The following FUT8 variants were observed in gnomAD, a reference collection of about 807,000 sequenced individuals.
FUT8 encodes the protein alpha-(1,6)-fucosyltransferase.
A neutral mutation model predicts 71.3 loss-of-function variants in FUT8; 29 were observed. That is an observed-to-expected ratio of 0.41 (90% CI 0.30 to 0.55). FUT8 has a LOEUF of 0.55. Among genes scored for constraint, FUT8 ranks in the 20% least tolerant of loss-of-function variants. The pLI, the probability that FUT8 is intolerant of heterozygous loss-of-function variation, is 0.34. For synonymous variants in FUT8, 254 were observed against 239.3 expected, an observed-to-expected ratio of 1.06 and a Z score of -0.57; for missense variants, 544 against 702.1, an observed-to-expected ratio of 0.77 and a Z score of 2.55.
intron 6 of FUT8, among the ~76,000 whole-genome samples, chr14:65,635,802 A>G (rs1890518545): frequency 6.6e-6 from 1 of 152,026 alleles, no homozygotes; most frequent in Admixed American, 6.5e-5. Flanking sequence ...TTTCTTTTTC[A>G]GTTAATGTCC....
chr14:65,731,506 A>C lies in FUT8; in HGVS notation c.1260-1725A>C, dbSNP rs142146519. On this transcript the variant is annotated intron_variant, in intron 9 of 10. Transcript: ENST00000673929. The stretch of plus-strand genomic sequence containing the variant: ...TGTTTGTGCAAAAAGTTTCATGCTC[A>C]TTATGAAAGGTGTACAATTTCCTTC... Among the ~76,000 whole-genome samples, 64 of 152,360 alleles carry C rather than the reference A, an allele frequency of 4.2e-4. 1 individual carries two copies. The East Asian group carries it at 0.012, about 29-fold the overall frequency.
intron 1 of FUT8, among the ~76,000 whole-genome samples, chr14:65,450,524 TTTC>T (rs1193236750): frequency 6.6e-6 from 1 of 152,232 alleles, no homozygotes; most frequent in Admixed American, 6.5e-5. Context: ...AAGTATAGCA[TTTC>T]TTCTTAAGTG....
At chr14:65,685,313 C>T (rs999304819) in intron 7 of FUT8, among the ~76,000 whole-genome samples, 6 of 151,628 alleles carry the variant, frequency 4.0e-5, no homozygotes, top group East Asian at 3.9e-4. Flanking sequence ...TCTCAGTGGC[C>T]GTATAAAACA....
At chr14:65,500,028 T>C (rs552726824) in intron 2 of FUT8, among the ~76,000 whole-genome samples, 330 of 152,338 alleles carry the variant, frequency 2.2e-3, no homozygotes, top group Non-Finnish European at 4.2e-3. Context: ...CAAACTGTTA[T>C]GGAACAATGT....
At chr14:65,697,399 A>G (rs1566902835) in intron 7 of FUT8, among the ~76,000 whole-genome samples, 1 of 152,160 alleles carries the variant, frequency 6.6e-6, no homozygotes, top group Non-Finnish European at 1.5e-5. Context: ...AGTGTTCCGT[A>G]GTAATATCAT....
In FUT8 at chr14:65,524,000, G is replaced by A. The variant is rs529872232; in HGVS notation, c.-227-37337G>A. Among the ~76,000 whole-genome samples, 3 of 152,304 alleles carry A rather than the reference G, an allele frequency of 2.0e-5. No individual in the cohort carries two copies. The South Asian group carries it at 6.2e-4, about 32-fold the overall frequency. On this transcript the variant is annotated intron_variant, in intron 2 of 10. Transcript: ENST00000673929. ...GCCTTGTAGTATAGTTTGATGTCAG[G>A]TAGTGTGATGCCTCCAGCTTTGTTC...
chr14:65,453,488 C>T (rs2139549613), intron 1 of FUT8, among the ~76,000 whole-genome samples: 1 of 152,270 alleles, frequency 6.6e-6, no homozygotes, highest in Middle Eastern at 3.4e-3. Context: ...TCCATTCTGG[C>T]TGTTGGTTAC....
At chr14:65,673,130 C>T (rs1892550954) in intron 7 of FUT8, among the ~76,000 whole-genome samples, 1 of 152,158 alleles carries the variant, frequency 6.6e-6, no homozygotes, top group Non-Finnish European at 1.5e-5. Flanking sequence ...AAGTTTGATG[C>T]CCTGGAGGCG....
intron 3 of FUT8, among the ~76,000 whole-genome samples, chr14:65,585,694 T>C (rs1015393244): frequency 6.6e-6 from 1 of 152,238 alleles, no homozygotes; most frequent in Non-Finnish European, 1.5e-5. Flanking sequence ...TTTCATAAAT[T>C]GTTAAACAAC....
chr14:65,571,729 C>T (rs1020913571), intron 3 of FUT8, among the ~76,000 whole-genome samples: 1 of 151,936 alleles, frequency 6.6e-6, no homozygotes, highest in Admixed American at 6.6e-5. Context: ...ATTCTTCACA[C>T]CCAAGACTTG....
Position 65,467,937 on chromosome 14 carries a change from T to C in FUT8, c.-228+12219T>C. 6.8e-6 allele frequency: 5 copies of C among 739,378 alleles called. No individual in the cohort carries two copies. The highest frequency in any genetic ancestry group is 1.3e-5 in the Non-Finnish European group (5 of 394,822). 45.8% of individuals were successfully genotyped at this position (739,378 alleles called of 1,614,324 possible). On this transcript the variant is annotated intron_variant, in intron 2 of 10. Coordinates refer to ENST00000673929, the MANE Select transcript of FUT8 (RefSeq NM_001371533.1). The surrounding 1 kb of genome is among the most constrained non-coding windows in gnomAD (Gnocchi z 4.1). ...AACCCGGGTACCTTTCTCTTTGGCTTCTTTCTTTTTCCGATCATTTTCCTT... is the reference window on the plus strand; with the variant it reads ...AACCCGGGTACCTTTCTCTTTGGCTCCTTTCTTTTTCCGATCATTTTCCTT...
At chr14:65,537,396 CAT>C (rs1024365703) in intron 2 of FUT8, among the ~76,000 whole-genome samples, 2 of 151,008 alleles carry the variant, frequency 1.3e-5, no homozygotes, top group Non-Finnish European at 3.0e-5. Context: ...TTATTACTTA[CAT>C]ATTTTTTTTG....
chr14:65,633,848 T>TG (rs1225501418), intron 6 of FUT8, among the ~76,000 whole-genome samples: 13 of 149,350 alleles, frequency 8.7e-5, no homozygotes, highest in African/African-American at 2.5e-4. Flanking sequence ...GGGAGGGAGG[T>TG]GGGGGGTCAG....
intron 8 of FUT8, 57 bp from the exon 9 acceptor site, chr14:65,724,090 A>T: frequency 7.6e-7 from 1 of 1,311,578 alleles, no homozygotes; most frequent in Non-Finnish European, 1.0e-6. Flanking sequence ...TAAATTGAGT[A>T]CCCTCAAAGC....
At chr14:65,625,567 G>T (rs1889856083) in intron 5 of FUT8, among the ~76,000 whole-genome samples, 1 of 152,144 alleles carries the variant, frequency 6.6e-6, no homozygotes. Flanking sequence ...ATAAGAAAAT[G>T]GACAAGGCAT....
At chr14:65,648,061 T>G (rs1297936241) in intron 6 of FUT8, among the ~76,000 whole-genome samples, 1 of 152,218 alleles carries the variant, frequency 6.6e-6, no homozygotes, top group Admixed American at 6.5e-5. Context: ...ACTACCACCC[T>G]TAGGCCAAAT....
chr14:65,558,862 A>G (rs1170162675), intron 2 of FUT8, among the ~76,000 whole-genome samples: 2 of 151,376 alleles, frequency 1.3e-5, no homozygotes, highest in East Asian at 2.0e-4. Flanking sequence ...CTCCAAAAAC[A>G]TAGTTCAAAT....
At position 65,742,285 on chromosome 14, in the gene FUT8, C is replaced by T; in HGVS notation, c.1603C>T (p.His535Tyr). ...AGATATCATTGGTGTGGCTGGAAAT[C>T]ATTGGGATGGCTATTCTAAAGGTGT... ...PGDIIGVAGNHWDGYSKGVNR... is the reference protein window; with the variant it reads ...PGDIIGVAGNYWDGYSKGVNR... The change falls in exon 11 of 11, where the codon CAT becomes TAT. Residue 535 changes from histidine (H) to tyrosine (Y), a missense_variant. By Grantham distance (83) the His-to-Tyr change is moderately conservative. Coordinates refer to ENST00000673929, the MANE Select transcript of FUT8 (RefSeq NM_001371533.1). 1 of 1,613,072 alleles carries T rather than the reference C, an allele frequency of 6.2e-7. No homozygotes were observed. Among genetic ancestry groups the T allele is most frequent in the Non-Finnish European group, 8.5e-7 (1 of 1,179,358 alleles).
At chr14:65,688,640 T>C (rs1200722552) in intron 7 of FUT8, among the ~76,000 whole-genome samples, 4 of 152,172 alleles carry the variant, frequency 2.6e-5, no homozygotes, top group Non-Finnish European at 5.9e-5. Flanking sequence ...TTCCAATTTT[T>C]TGGCAATTTT....
Sources: gnomAD v4.1 joint callset for allele counts (sites outside exome capture counted in the v4.1 genomes callset) on GRCh38, gnomAD v4.1.1 for gene constraint, Gnocchi (gnomAD v3.1) non-coding constraint, MANE v1.5 for transcripts, NCBI Gene and HGNC (gene_info 2026-07-23, HGNC 2026-07-21) for gene names.